WDPCP: variants seen among roughly 807,000 people sequenced by gnomAD.
WDPCP encodes the protein WD repeat containing planar cell polarity effector, also known as WD repeat-containing and planar cell polarity effector protein fritz homolog.
A neutral mutation model predicts 93.1 loss-of-function variants in WDPCP; 71 were observed. The observed-to-expected ratio is 0.76, with a 90% confidence interval of 0.63 to 0.93. The LOEUF is 0.93. Ranked by LOEUF, WDPCP falls within the 40% of genes least tolerant of loss-of-function variation. WDPCP has a pLI of 0.00. For missense variants in WDPCP, 844 were observed against 887.4 expected, an observed-to-expected ratio of 0.95 and a Z score of 0.62; for synonymous variants, 315 against 315.0, an observed-to-expected ratio of 1.00 and a Z score of 0.00.
chr2:63,161,826 C>T (rs531500298), intron 15 of WDPCP, among the ~76,000 whole-genome samples: 18 of 150,880 alleles, frequency 1.2e-4, no homozygotes, highest in Non-Finnish European at 2.4e-4. Context: ...TGCGGTGGCA[C>T]GATCTCAATT....
chr2:63,800,637 T>C (rs1020073342), intron 2 of WDPCP, among the ~76,000 whole-genome samples: 1 of 152,226 alleles, frequency 6.6e-6, no homozygotes, highest in Admixed American at 6.5e-5. Context: ...TAATTTGGCA[T>C]TTTTTAAAGC....
At chr2:63,237,336 T>C (rs545281428) in intron 14 of WDPCP, among the ~76,000 whole-genome samples, 2 of 152,068 alleles carry the variant, frequency 1.3e-5, no homozygotes, top group African/African-American at 4.8e-5. Context: ...ACAGCAGATG[T>C]TGGCAAGGCT....
chr2:63,828,032 C>A (rs1041632368), upstream of WDPCP, among the ~76,000 whole-genome samples: 2 of 152,146 alleles, frequency 1.3e-5, no homozygotes, highest in Non-Finnish European at 2.9e-5. Context: ...TCCTAGCCTG[C>A]TGCAAAGAAG....
chr2:63,728,324 C>T (rs1386249696), intron 2 of WDPCP, among the ~76,000 whole-genome samples: 1 of 152,180 alleles, frequency 6.6e-6, no homozygotes, highest in Non-Finnish European at 1.5e-5. Flanking sequence ...TTCAAAGGAG[C>T]TTACTTGGCC....
intron 2 of WDPCP, among the ~76,000 whole-genome samples, chr2:63,700,294 A>C (rs910713131): frequency 4.7e-5 from 7 of 147,778 alleles, no homozygotes; most frequent in Admixed American, 1.3e-4. Flanking sequence ...AAAAAAAAAA[A>C]AAAAAAAAAC....
At chr2:63,716,759 C>T (rs1289547815) in intron 2 of WDPCP, among the ~76,000 whole-genome samples, 2 of 152,142 alleles carry the variant, frequency 1.3e-5, no homozygotes, top group Non-Finnish European at 2.9e-5. Flanking sequence ...CCAGGAATTC[C>T]TCAAATTAAA....
chr2:63,810,643 A>C (rs184288734), intron 2 of WDPCP, among the ~76,000 whole-genome samples: 16 of 152,206 alleles, frequency 1.1e-4, no homozygotes, highest in Admixed American at 1.0e-3. Context: ...CCAGGCAAGT[A>C]CCAAATCAGG....
intron 2 of WDPCP, among the ~76,000 whole-genome samples, chr2:63,653,196 T>C (rs570345401): frequency 6.6e-6 from 1 of 152,284 alleles, no homozygotes; most frequent in South Asian, 2.1e-4. Context: ...CAGAAATCTA[T>C]ATAGAGGTCC....
In WDPCP at chr2:63,605,391, G is replaced by C. The variant is rs777273416; in HGVS notation, n.488+45268C>G. 20 of 1,608,728 alleles carry C rather than the reference G, an allele frequency of 1.2e-5. No homozygotes were observed. In the East Asian group the frequency reaches 4.0e-4, roughly 32 times the overall value. On this transcript the variant is annotated intron_variant and non_coding_transcript_variant, in intron 3 of 4. Coordinates refer to the WDPCP transcript ENST00000467687. Reference sequence around the variant, plus strand: ...CAGGGACATCTGGTTTGGAACCCCAGAGGTAAGGATTTAGTGATTTGCACA... The same window carrying C: ...CAGGGACATCTGGTTTGGAACCCCACAGGTAAGGATTTAGTGATTTGCACA...
At chr2:63,183,840 C>CT (rs1219070407) in intron 14 of WDPCP, among the ~76,000 whole-genome samples, 1 of 151,960 alleles carries the variant, frequency 6.6e-6, no homozygotes, top group Admixed American at 6.6e-5. Flanking sequence ...TTTTTATGTC[C>CT]TTTTGTAGAA....
At chr2:63,160,899 C>G in intron 15 of WDPCP, among the ~76,000 whole-genome samples, 1 of 152,122 alleles carries the variant, frequency 6.6e-6, no homozygotes, top group East Asian at 1.9e-4. Flanking sequence ...AAGCCCACAG[C>G]ACCATCTACT....
intron 2 of WDPCP, among the ~76,000 whole-genome samples, chr2:63,774,688 C>T (rs1486971937): frequency 6.6e-6 from 1 of 152,110 alleles, no homozygotes; most frequent in Non-Finnish European, 1.5e-5. Context: ...GCCAACAGTC[C>T]TCCTAGTTGG....
chr2:63,697,149 T>TAG (rs1187471664), intron 2 of WDPCP, among the ~76,000 whole-genome samples: 1 of 10,628 alleles, frequency 9.4e-5, no homozygotes, highest in Non-Finnish European at 3.0e-4. Flanking sequence ...GTAGTAGTAG[T>TAG]TATAGTAGTT....
In WDPCP at chr2:63,404,743, C is replaced by A. The variant is rs1694437519; in HGVS notation, c.826-86G>T. The A allele has an allele frequency of 7.8e-6, 12 of 1,542,292 alleles. No homozygotes were observed. In the Admixed American group the frequency reaches 1.0e-4, roughly 13 times the overall value. On this transcript the variant is annotated intron_variant, in intron 9 of 17. Transcript: ENST00000272321. ...TAGGACTGCATATTTATTCAGAAAC[C>A]TATTAAAGAAAATCAATTACTATCT...
intron 2 of WDPCP, among the ~76,000 whole-genome samples, chr2:63,755,059 A>G (rs1335428556): frequency 2.0e-5 from 3 of 152,126 alleles, no homozygotes; most frequent in Non-Finnish European, 2.9e-5. Context: ...GCCTCTTTAT[A>G]AGGGCTGTTG....
intron 2 of WDPCP, among the ~76,000 whole-genome samples, chr2:63,784,141 T>C (rs1485824747): frequency 6.6e-6 from 1 of 152,046 alleles, no homozygotes; most frequent in Non-Finnish European, 1.5e-5. Context: ...ACTTGAGACA[T>C]ATGGTCAATA....
At chr2:63,752,635 C>A in intron 2 of WDPCP, 1 of 463,036 alleles carries the variant, frequency 2.2e-6, no homozygotes, top group East Asian at 3.5e-5. Context: ...ATGACGGTGG[C>A]GGTGGGAAGA....
intron 14 of WDPCP, among the ~76,000 whole-genome samples, chr2:63,215,417 C>T (rs6734303): frequency 0.87 from 132,272 of 152,076 alleles, 57,765 homozygotes; most frequent in South Asian, 0.92. Context: ...TATCTGCAAC[C>T]ATCTGATCTT....
At chr2:63,182,936 G>A (rs13411657) in intron 14 of WDPCP, among the ~76,000 whole-genome samples, 24,718 of 151,650 alleles carry the variant, frequency 0.16, 2,214 homozygotes, top group Middle Eastern at 0.23. Context: ...GAGTGTAGAG[G>A]TGTTCATGGT....
Sources: allele counts gnomAD v4.1 joint callset (sites outside exome capture counted in the v4.1 genomes callset), GRCh38; gene constraint gnomAD v4.1.1; transcripts MANE v1.5; gene names NCBI Gene and HGNC (gene_info 2026-07-23, HGNC 2026-07-21).